UBXN7: variants seen among roughly 807,000 people sequenced by gnomAD.
The protein encoded by UBXN7 is UBX domain-containing protein 7.
UBXN7 carries 9 observed loss-of-function variants against 58.0 expected under a neutral mutation model. That is an observed-to-expected ratio of 0.16 (90% CI 0.09 to 0.27). UBXN7 has a LOEUF of 0.27. Ranked by LOEUF, UBXN7 falls within the 10% of genes least tolerant of loss-of-function variation. The pLI, the probability that UBXN7 is intolerant of heterozygous loss-of-function variation, is 1.00. For synonymous variants in UBXN7, 208 were observed against 205.0 expected, an observed-to-expected ratio of 1.01 and a Z score of -0.12; for missense variants, 328 against 599.6, an observed-to-expected ratio of 0.55 and a Z score of 4.73.
chr3:196,371,189 T>G (rs1728822196), intron 6 of UBXN7, among the ~76,000 whole-genome samples: 1 of 152,230 alleles, frequency 6.6e-6, no homozygotes, highest in Non-Finnish European at 1.5e-5. Flanking sequence ...ACCTGCACTG[T>G]CTAATACAGC....
intron 8 of UBXN7, among the ~76,000 whole-genome samples, chr3:196,366,144 T>G (rs771140122): frequency 2.6e-5 from 4 of 152,086 alleles, no homozygotes; most frequent in Non-Finnish European, 5.9e-5. Context: ...TTCTATACTA[T>G]CCCTTAGGGC....
chr3:196,358,754 CCAA>C (rs1487084546), intron 10 of UBXN7, among the ~76,000 whole-genome samples: 2 of 151,892 alleles, frequency 1.3e-5, no homozygotes, highest in East Asian at 1.9e-4. Flanking sequence ...AACCAACCAA[CCAA>C]CAACAACAAG....
intron 7 of UBXN7, among the ~76,000 whole-genome samples, chr3:196,368,790 A>C (rs1247727733): frequency 6.6e-6 from 1 of 152,158 alleles, no homozygotes; most frequent in Non-Finnish European, 1.5e-5. Context: ...GTATCTGGGC[A>C]ATCTTAATAT....
At chr3:196,359,492 A>G (rs1050607001) in intron 10 of UBXN7, among the ~76,000 whole-genome samples, 2 of 152,208 alleles carry the variant, frequency 1.3e-5, no homozygotes, top group African/African-American at 2.4e-5. Context: ...GCTTAGTGAG[A>G]AAGGCACGTG....
At chr3:196,428,538 G>A (rs1355340243) in intron 1 of UBXN7, among the ~76,000 whole-genome samples, 1 of 152,020 alleles carries the variant, frequency 6.6e-6, no homozygotes, top group Non-Finnish European at 1.5e-5. Flanking sequence ...AGAAGTGGAA[G>A]ATAATATGTA....
chr3:196,368,073 T>C lies in UBXN7; in HGVS notation c.789A>G (p.Gln263=), dbSNP rs771165419. The C allele has an allele frequency of 2.5e-6, 4 of 1,614,108 alleles. No individual in the cohort carries two copies. In the Admixed American group the frequency reaches 5.0e-5, roughly 20 times the overall value. ...GGGGACTGCTAGAAAGTCCATCCAG[T>C]TGTCCATGTTCACCCAGAAATCCCG... The part of the protein sequence containing the change: ...QVTGFLGEHG[Q]LDGLSSSPPK... Residue 263 remains glutamine (Q), a synonymous_variant, in exon 8 of 11, where the codon CAA becomes CAG. Coordinates refer to ENST00000296328, the MANE Select transcript of UBXN7 (RefSeq NM_015562.2).
intron 5 of UBXN7, among the ~76,000 whole-genome samples, chr3:196,385,998 G>A (rs1729379084): frequency 6.6e-6 from 1 of 152,164 alleles, no homozygotes; most frequent in African/African-American, 2.4e-5. Flanking sequence ...GTAGAAAGAG[G>A]TGGACATAGG....
intron 4 of UBXN7, 68 bp from the exon 5 acceptor site, chr3:196,391,993 A>AC: frequency 1.2e-6 from 1 of 804,272 alleles, no homozygotes; most frequent in African/African-American, 1.8e-5. Flanking sequence ...AAAAAAAAAA[A>AC]AAAACACAAA....
rs1728166186 is a variant in UBXN7, at chr3:196,349,616, G to A, written c.*7069C>T. 1 of 152,106 alleles carries A rather than the reference G, an allele frequency of 6.6e-6. No homozygotes were observed. Among genetic ancestry groups the A allele is most frequent in the Non-Finnish European group, 1.5e-5 (1 of 68,034 alleles). The allele number at this position is 152,106 out of a possible 1,614,324, so 9.4% of individuals were successfully genotyped here. On this transcript the variant is annotated 3_prime_UTR_variant, in exon 11 of 11. Coordinates refer to ENST00000296328, the MANE Select transcript of UBXN7 (RefSeq NM_015562.2). ...ATGGACCCTCGTGACGGGCACTATG[G>A]AACCAGCTACCTAGATAGAGAGAAA...
chr3:196,393,506 T>C (rs771965759), intron 4 of UBXN7, 48 bp downstream of exon 4: 1 of 1,547,542 alleles, frequency 6.5e-7, no homozygotes, highest in South Asian at 1.2e-5. Context: ...TTTGTCTTTT[T>C]AATAGGAAGA....
chr3:196,365,365 A>C lies in UBXN7; in HGVS notation c.834+2663T>G, dbSNP rs6771811. ...AATACAATAGAGAAAAACAAAAAAA[A>C]CCCACCAAAATCCCAAGAGCAGTTT... On this transcript the variant is annotated intron_variant, in intron 8 of 10. Coordinates refer to ENST00000296328, the MANE Select transcript of UBXN7 (RefSeq NM_015562.2). Among the ~76,000 whole-genome samples, 1,173 of 152,128 alleles carry C rather than the reference A, an allele frequency of 7.7e-3. 18 individuals are homozygous for C. The highest frequency in any genetic ancestry group is 0.027 in the African/African-American group (1,113 of 41,522).
chr3:196,378,843 A>G (rs1729113388), intron 5 of UBXN7, among the ~76,000 whole-genome samples: 1 of 137,246 alleles, frequency 7.3e-6, no homozygotes, highest in African/African-American at 2.8e-5. Flanking sequence ...GCTTCTTTCC[A>G]TGTTGGTTTT....
At chr3:196,386,100 C>G (rs1165589311) in intron 5 of UBXN7, among the ~76,000 whole-genome samples, 1 of 152,058 alleles carries the variant, frequency 6.6e-6, no homozygotes, top group Non-Finnish European at 1.5e-5. Context: ...CTCTCTGAAA[C>G]ATGTGCTGTG....
At chr3:196,428,010 G>A (rs1730903158) in intron 1 of UBXN7, among the ~76,000 whole-genome samples, 1 of 152,138 alleles carries the variant, frequency 6.6e-6, no homozygotes, top group Non-Finnish European at 1.5e-5. Context: ...TGTAATCCCA[G>A]CTACTGCGGA....
intron 1 of UBXN7, chr3:196,432,117 CAG>C: frequency 1.4e-6 from 1 of 702,030 alleles, no homozygotes; most frequent in Non-Finnish European, 2.5e-6. Context: ...TACTAGGAGA[CAG>C]AGAACGAGGG....
At chr3:196,358,436 A>C (rs546749617) in intron 10 of UBXN7, among the ~76,000 whole-genome samples, 1 of 152,302 alleles carries the variant, frequency 6.6e-6, no homozygotes, top group African/African-American at 2.4e-5. Context: ...GGAAGGAAAT[A>C]AACTAATTAG....
intron 5 of UBXN7, among the ~76,000 whole-genome samples, chr3:196,386,971 G>C (rs1218787529): frequency 6.6e-6 from 1 of 151,948 alleles, no homozygotes; most frequent in African/African-American, 2.4e-5. Context: ...ATACTACAAG[G>C]CTACAGTAAC....
At chr3:196,372,480 T>A (rs1410500417) in intron 5 of UBXN7, among the ~76,000 whole-genome samples, 1 of 151,898 alleles carries the variant, frequency 6.6e-6, no homozygotes, top group Non-Finnish European at 1.5e-5. Context: ...TAGTTGGGAT[T>A]AAAGGCGTGC....
chr3:196,357,017 T>C (rs748403230), intron 10 of UBXN7, among the ~76,000 whole-genome samples, 171 bp from the exon 11 acceptor site: 6 of 152,164 alleles, frequency 3.9e-5, no homozygotes, highest in Non-Finnish European at 8.8e-5. Flanking sequence ...ATATAAACCT[T>C]TGGACGGGGA....
Sources: allele counts gnomAD v4.1 joint callset (sites outside exome capture counted in the v4.1 genomes callset), GRCh38; gene constraint gnomAD v4.1.1; transcripts MANE v1.5; gene names NCBI Gene and HGNC (gene_info 2026-07-23, HGNC 2026-07-21).